The following TM9SF3 variants were observed in gnomAD, a reference collection of about 807,000 sequenced individuals.
The protein encoded by TM9SF3 is SM-11044-binding protein.
A neutral mutation model predicts 78.6 loss-of-function variants in TM9SF3; 14 were observed. The observed-to-expected ratio is 0.18, with a 90% CI of 0.12 to 0.28. The LOEUF (loss-of-function observed/expected upper bound fraction) is 0.28, where lower values mean the gene tolerates loss of function less well. TM9SF3 is among the 10% of genes least tolerant of loss of function. The pLI, the probability that TM9SF3 is intolerant of heterozygous loss-of-function variation, is 1.00. For synonymous variants in TM9SF3, 231 were observed against 241.7 expected, an observed-to-expected ratio of 0.96 and a Z score of 0.41; for missense variants, 496 against 721.9, an observed-to-expected ratio of 0.69 and a Z score of 3.59.
chr10:96,560,937 C>A (rs1589457560), intron 4 of TM9SF3: 3 of 478,448 alleles, frequency 6.3e-6, no homozygotes, highest in Non-Finnish European at 1.2e-5. Context: ...CAGTTCAGGG[C>A]ACTACTGGTA....
intron 2 of TM9SF3, 112 bp downstream of exon 2, chr10:96,576,522 T>C: frequency 9.8e-6 from 10 of 1,022,362 alleles, no homozygotes; most frequent in Non-Finnish European, 1.4e-5. Flanking sequence ...AACATGTACA[T>C]AACAGCTCCA....
chr10:96,562,178 T>G, intron 3 of TM9SF3, 40 bp from the exon 4 acceptor site: 1 of 1,424,462 alleles, frequency 7.0e-7, no homozygotes, highest in Non-Finnish European at 9.6e-7. Flanking sequence ...TAAAACCACT[T>G]AATATTTAAA....
chr10:96,578,631 T>A (rs1221440588), intron 1 of TM9SF3, among the ~76,000 whole-genome samples: 2 of 152,230 alleles, frequency 1.3e-5, no homozygotes, highest in South Asian at 4.1e-4. Context: ...AATATATGTA[T>A]GCCCCCACTC....
chr10:96,580,415 A>G (rs893838614), intron 1 of TM9SF3, among the ~76,000 whole-genome samples: 10 of 151,818 alleles, frequency 6.6e-5, no homozygotes, highest in Non-Finnish European at 1.2e-4. Flanking sequence ...ACAGGCGCCC[A>G]CCACCACACC....
Position 96,551,274 on chromosome 10 carries a change from A to C in TM9SF3, c.930T>G (p.Ile310Met). The C allele has an allele frequency of 6.2e-7, 1 of 1,612,298 alleles. No homozygotes were observed. The part of the protein sequence containing the change: ...QIFAVSLIVI[I>M]VAMIEDLYTE... Reference sequence around the variant, plus strand: ...TATATAAATCTTCTATCATTGCAACAATAATAACGATGAGAGACACAGCAA... The same window carrying C: ...TATATAAATCTTCTATCATTGCAACCATAATAACGATGAGAGACACAGCAA... Residue 310 changes from isoleucine to methionine, a missense_variant, in exon 7 of 15, where the codon ATT becomes ATG. Ile to Met is a conservative substitution (Grantham distance 10). Transcript: ENST00000371142.
At position 96,522,069 on chromosome 10, in the gene TM9SF3, T is replaced by C. The variant is rs541048347; in HGVS notation, c.*194A>G. The C allele has an allele frequency of 5.1e-6, 3 of 582,708 alleles. No homozygotes were observed. The highest frequency in any genetic ancestry group is 6.3e-5 in the East Asian group (2 of 31,542). 36.1% of individuals were successfully genotyped at this position (582,708 alleles called of 1,614,324 possible). A position where few individuals can be genotyped will look rare whatever the true frequency, so the allele number is the denominator to read the frequency against. On this transcript the variant is annotated 3_prime_UTR_variant, in exon 15 of 15. Transcript: ENST00000371142. Reference sequence around the variant, plus strand: ...AAATCCAAGCATTTGCTGTGAACAGTTGGAGAAAGCAGTCAGGAAGAACCT... The same window carrying C: ...AAATCCAAGCATTTGCTGTGAACAGCTGGAGAAAGCAGTCAGGAAGAACCT...
intron 4 of TM9SF3, among the ~76,000 whole-genome samples, chr10:96,559,988 T>C (rs900065432): frequency 6.6e-6 from 1 of 152,244 alleles, no homozygotes; most frequent in Non-Finnish European, 1.5e-5. Context: ...TTTACTTTTG[T>C]TGACTTACAT....
chr10:96,533,337 A>C (rs1847919578), intron 9 of TM9SF3, 147 bp from the exon 10 acceptor site: 1 of 958,252 alleles, frequency 1.0e-6, no homozygotes, highest in Non-Finnish European at 1.5e-6. Flanking sequence ...AAGTACACTA[A>C]TGAAAACAAA....
intron 1 of TM9SF3, among the ~76,000 whole-genome samples, chr10:96,578,146 A>T (rs1848519162): frequency 6.6e-6 from 1 of 152,154 alleles, no homozygotes. Context: ...TTATCACCCT[A>T]AGACTTAGAC....
chr10:96,558,382 C>G (rs1412652879), intron 5 of TM9SF3, among the ~76,000 whole-genome samples: 1 of 152,082 alleles, frequency 6.6e-6, no homozygotes, highest in Non-Finnish European at 1.5e-5. Flanking sequence ...TGGCTCACGC[C>G]TGTAATCTCA....
At chr10:96,555,836 TCCCA>T (rs1382402891) in intron 5 of TM9SF3, among the ~76,000 whole-genome samples, 1 of 152,152 alleles carries the variant, frequency 6.6e-6, no homozygotes, top group Admixed American at 6.5e-5. Flanking sequence ...TTGATTTTGT[TCCCA>T]CCCTGAGATG....
rs1279370049 is a variant in TM9SF3 at position 96,575,137 on chromosome 10, T to G, written c.298+1497A>C. 2.6e-5 allele frequency among the ~76,000 whole-genome samples: 4 copies of G among 152,202 alleles called. No individual in the cohort carries two copies. The East Asian group carries it at 7.7e-4, about 29-fold the overall frequency. ...AAATATGGGTGAGGATCTCAAAAAC[T>G]AATGAAATCTGTACACAGTAGCAAA... On this transcript the variant is annotated intron_variant, in intron 2 of 14. Transcript: ENST00000371142.
chr10:96,532,576 T>C (rs975898619), intron 10 of TM9SF3, among the ~76,000 whole-genome samples: 2 of 152,216 alleles, frequency 1.3e-5, no homozygotes, highest in African/African-American at 4.8e-5. Flanking sequence ...AATTGTACAG[T>C]ACTAAAATAT....
At chr10:96,568,206 G>T (rs1172129119) in intron 2 of TM9SF3, among the ~76,000 whole-genome samples, 1 of 152,186 alleles carries the variant, frequency 6.6e-6, no homozygotes, top group Non-Finnish European at 1.5e-5. Flanking sequence ...TCCCTCAGGA[G>T]GGAGCCAATT....
rs1847725406 is a variant in TM9SF3 at position 96,518,835 on chromosome 10, A to AAC, written c.*3426_*3427dup. ...AAATTTTCACTTCTGACTGAAATAT[A>AAC]ACACCTTGATTGATAGTTTCATAAC... On this transcript the variant is annotated 3_prime_UTR_variant, in exon 15 of 15. Transcript: ENST00000371142. 1 of 45,738 alleles carries AAC rather than the reference A, an allele frequency of 2.2e-5. No homozygotes were observed. Among genetic ancestry groups the AAC allele is most frequent in the Non-Finnish European group, 4.3e-5 (1 of 23,470 alleles). The allele number at this position is 45,738 out of a possible 1,614,324, so 2.8% of individuals were successfully genotyped here.
At chr10:96,555,985 G>C (rs1197965822) in intron 5 of TM9SF3, among the ~76,000 whole-genome samples, 1 of 152,004 alleles carries the variant, frequency 6.6e-6, no homozygotes, top group Non-Finnish European at 1.5e-5. Context: ...ATAAAATGTT[G>C]TAATTTCTAA....
At chr10:96,579,508 G>A (rs1044033595) in intron 1 of TM9SF3, among the ~76,000 whole-genome samples, 2 of 152,110 alleles carry the variant, frequency 1.3e-5, no homozygotes, top group Admixed American at 1.3e-4. Flanking sequence ...AATAATTTAA[G>A]GGTCCCAGTC....
chr10:96,533,253 A>G lies in TM9SF3; in HGVS notation c.1186-63T>C, dbSNP rs1847918551. 2.0e-6 allele frequency: 3 copies of G among 1,523,686 alleles called. No individual in the cohort carries two copies. In the South Asian group the frequency reaches 3.7e-5, roughly 19 times the overall value. The allele number at this position is 1,523,686 out of a possible 1,614,324, so 94.4% of individuals were successfully genotyped here. A position where few individuals can be genotyped will look rare whatever the true frequency, so the allele number is the denominator to read the frequency against. Reference sequence around the variant, plus strand: ...CAATAACATTAATATAAACAAATAAAAGAGACACAATTTAAACACAATTTG... The same window carrying G: ...CAATAACATTAATATAAACAAATAAGAGAGACACAATTTAAACACAATTTG... On this transcript the variant is annotated intron_variant, in intron 9 of 14. Transcript: ENST00000371142.
At chr10:96,559,844 C>A in intron 4 of TM9SF3, 108 bp from the exon 5 acceptor site, 1 of 608,354 alleles carries the variant, frequency 1.6e-6, no homozygotes, top group South Asian at 2.6e-5. Context: ...AATTAAAATT[C>A]ACTAGAGAAA....
Sources: allele counts gnomAD v4.1 joint callset (sites outside exome capture counted in the v4.1 genomes callset), GRCh38; gene constraint gnomAD v4.1.1; transcripts MANE v1.5; gene names NCBI Gene and HGNC (gene_info 2026-07-23, HGNC 2026-07-21).